The following CIB1 variants were observed in gnomAD, a reference collection of about 807,000 sequenced individuals.
CIB1 encodes calcium and integrin binding 1.
A neutral mutation model predicts 25.0 loss-of-function variants in CIB1; 19 were observed. The observed-to-expected ratio is 0.76, with a 90% CI of 0.53 to 1.12. The LOEUF (loss-of-function observed/expected upper bound fraction) is 1.12, where lower values mean the gene tolerates loss of function less well. Among genes scored for constraint, CIB1 ranks in the 50% most tolerant of loss-of-function variants. CIB1 has a pLI of 0.00. For missense variants in CIB1, 236 were observed against 242.6 expected (o/e 0.97, Z 0.18); for synonymous variants, 104 against 98.5 (o/e 1.06, Z -0.33).
At chr15:90,256,082 C>T in the CIB1 span, 82 of 1,589,536 alleles carry the variant, frequency 5.2e-5, no homozygotes, top group Middle Eastern at 1.7e-4. Flanking sequence ...GAGCTCCATG[C>T]GGCCCCGGGA....
At chr15:90,256,221 G>T in the CIB1 span, 3 of 1,614,196 alleles carry the variant, frequency 1.9e-6, no homozygotes, top group East Asian at 6.7e-5. Context: ...TGTCAGGGAC[G>T]TGGCATCTTC....
At chr15:90,256,373 G>T in the CIB1 span, 3 of 1,585,520 alleles carry the variant, frequency 1.9e-6, no homozygotes, top group African/African-American at 4.1e-5. Context: ...AAAAGCCAGG[G>T]AGGAAGCTGG....
the CIB1 span, chr15:90,257,857 T>A: frequency 1.0e-6 from 1 of 981,078 alleles, no homozygotes; most frequent in South Asian, 1.6e-5. Context: ...GTCCTGTGCC[T>A]GCACTTTGGA....
At chr15:90,248,057 A>G in the CIB1 span, among the ~76,000 whole-genome samples, 2 of 151,402 alleles carry the variant, frequency 1.3e-5, no homozygotes, top group African/African-American at 4.9e-5. Flanking sequence ...TTGTTTTTTT[A>G]AATACGAGTT....
the CIB1 span, among the ~76,000 whole-genome samples, chr15:90,261,732 A>G: frequency 1.3e-5 from 2 of 152,184 alleles, no homozygotes; most frequent in African/African-American, 4.8e-5. Context: ...GTGAGCAGAG[A>G]TTGTGCCAGT....
At chr15:90,253,305 ACT>A in the CIB1 span, 1 of 1,613,616 alleles carries the variant, frequency 6.2e-7, no homozygotes, top group South Asian at 1.1e-5. Flanking sequence ...TGAAGAGTGG[ACT>A]CTGTACTGGA....
At chr15:90,233,973 T>C, upstream of CIB1, 1 of 1,376,496 alleles carries the variant, frequency 7.3e-7, no homozygotes, top group South Asian at 1.5e-5. Flanking sequence ...CACTGCCCGG[T>C]CCCCGCGGCA....
chr15:90,232,483 A>G, intron 2 of CIB1, 156 bp from the exon 3 acceptor site: 2 of 1,264,634 alleles, frequency 1.6e-6, no homozygotes, highest in Non-Finnish European at 2.1e-6. Context: ...GCAAAAGGAC[A>G]TGTCACAAGG....
chr15:90,244,820 A>G, the CIB1 span: 1 of 152,174 alleles, frequency 6.6e-6, no homozygotes, highest in South Asian at 2.1e-4. Context: ...CTCAGTCTCA[A>G]AATAAATAAA....
At chr15:90,236,192 C>G (rs932201698), upstream of CIB1, 1 of 152,258 alleles carries the variant, frequency 6.6e-6, no homozygotes, top group African/African-American at 2.4e-5. Flanking sequence ...GCATGTGCCA[C>G]CACACCCAGC....
the CIB1 span, among the ~76,000 whole-genome samples, chr15:90,240,561 C>G: frequency 6.6e-6 from 1 of 151,638 alleles, no homozygotes; most frequent in Non-Finnish European, 1.5e-5. Context: ...GCCTGTAATC[C>G]CAGCACTTTG....
Position 90,230,811 on chromosome 15 carries a change from C to T in CIB1, c.554+123G>A, listed in dbSNP as rs1040807115. 4.3e-6 allele frequency: 4 copies of T among 923,274 alleles called. No individual in the cohort carries two copies. The African/African-American group carries it at 4.9e-5, about 11-fold the overall frequency. The allele number at this position is 923,274 out of a possible 1,614,324, so 57.2% of individuals were successfully genotyped here. A position where few individuals can be genotyped will look rare whatever the true frequency, so the allele number is the denominator to read the frequency against. On this transcript the variant is annotated intron_variant, in intron 6 of 6. Transcript: ENST00000328649. ...GGGCGAGACTGCCAGCTTAGCCGGCCCTGTGTGTGGGGACTGGGGCTTTCT... is the reference window on the plus strand; with the variant it reads ...GGGCGAGACTGCCAGCTTAGCCGGCTCTGTGTGTGGGGACTGGGGCTTTCT...
chr15:90,232,112 G>C, intron 3 of CIB1, 107 bp downstream of exon 3: 1 of 846,948 alleles, frequency 1.2e-6, no homozygotes, highest in Non-Finnish European at 1.9e-6. Flanking sequence ...AATGACCAGA[G>C]TGGGGACCAG....
the CIB1 span, among the ~76,000 whole-genome samples, chr15:90,254,776 G>A: frequency 6.6e-6 from 1 of 152,122 alleles, no homozygotes; most frequent in African/African-American, 2.4e-5. Flanking sequence ...AGCCTGGGAG[G>A]CAGAGGCCGC....
chr15:90,260,931 C>G, the CIB1 span, among the ~76,000 whole-genome samples: 4 of 151,604 alleles, frequency 2.6e-5, no homozygotes, highest in African/African-American at 9.7e-5. Context: ...TAGTGAGTGG[C>G]AGAGCCAGGA....
chr15:90,231,557 A>C, intron 3 of CIB1, 50 bp from the exon 4 acceptor site: 1 of 1,589,974 alleles, frequency 6.3e-7, no homozygotes, highest in Non-Finnish European at 8.6e-7. Flanking sequence ...CGCTCATTAA[A>C]GCCTACCAGA....
the CIB1 span, chr15:90,257,117 C>A: frequency 6.2e-7 from 1 of 1,607,758 alleles, no homozygotes; most frequent in East Asian, 2.2e-5. Flanking sequence ...ATTATTCCCT[C>A]ATGGGTTTGC....
At chr15:90,265,299 A>T in the CIB1 span, 2 of 1,213,042 alleles carry the variant, frequency 1.6e-6, no homozygotes, top group Non-Finnish European at 2.1e-6. Flanking sequence ...GGAGACAATG[A>T]GCCCCTTTCC....
the CIB1 span, among the ~76,000 whole-genome samples, chr15:90,251,131 T>TTTTTTTTTTA: frequency 1.4e-5 from 2 of 145,476 alleles, no homozygotes. Context: ...TTTTTTTTTT[T>TTTTTTTTTTA]GAGACAGAGT....
Sources: gnomAD v4.1 joint callset for allele counts (sites outside exome capture counted in the v4.1 genomes callset) on GRCh38, gnomAD v4.1.1 for gene constraint, MANE v1.5 for transcripts, NCBI Gene and HGNC (gene_info 2026-07-23, HGNC 2026-07-21) for gene names.